MCOLN1: variants seen among roughly 807,000 people sequenced by gnomAD.
MCOLN1 encodes the protein mucolipin-1.
A neutral mutation model predicts 70.3 loss-of-function variants in MCOLN1; 50 were observed. That is an observed-to-expected ratio of 0.71 (90% CI 0.57 to 0.90). The LOEUF is 0.90. MCOLN1 is among the 40% of genes least tolerant of loss of function. MCOLN1 has a pLI of 0.00. For synonymous variants in MCOLN1, 366 were observed against 341.0 expected (o/e 1.07, Z -0.81); for missense variants, 598 against 803.5 (o/e 0.74, Z 3.09).
At chr19:7,527,414 G>A (rs1006609033) in intron 4 of MCOLN1, 106 bp from the exon 5 acceptor site, 4 of 759,296 alleles carry the variant, frequency 5.3e-6, no homozygotes, top group Admixed American at 1.8e-5. Context: ...CTGTAGGAAT[G>A]ACCCAACCCT....
At chr19:7,523,785 C>T (rs1399598689) in intron 1 of MCOLN1, among the ~76,000 whole-genome samples, 1 of 152,070 alleles carries the variant, frequency 6.6e-6, no homozygotes, top group African/African-American at 2.4e-5. Flanking sequence ...AGGTCTTTAT[C>T]TGCTGTGTCT....
Position 7,530,466 on chromosome 19 carries a change from A to G in MCOLN1, c.1540A>G (p.Ile514Val). ...LFIYMVLSLF[I>V]ALITGAYDTI... is the part of the protein sequence containing the mutation. Reference sequence around the variant, plus strand: ...CATCTACATGGTGCTCAGCCTCTTCATCGCGCTCATCACCGGCGCCTACGA... The same window carrying G: ...CATCTACATGGTGCTCAGCCTCTTCGTCGCGCTCATCACCGGCGCCTACGA... Residue 514 changes from isoleucine (I) to valine (V), a missense_variant, in exon 12 of 14, where the codon ATC becomes GTC. Around this residue, in one of 3 missense-constraint regions of MCOLN1, gnomAD observed 78 missense variants for 156.2 expected, o/e 0.50. Coordinates refer to ENST00000264079, the MANE Select transcript of MCOLN1 (RefSeq NM_020533.3). 6.2e-7 allele frequency: 1 copy of G among 1,612,080 alleles called. No homozygotes were observed. The highest frequency in any genetic ancestry group is 8.5e-7 in the Non-Finnish European group (1 of 1,180,002).
At chr19:7,532,425 C>T (rs1479008000) in intron 12 of MCOLN1, among the ~76,000 whole-genome samples, 5 of 150,128 alleles carry the variant, frequency 3.3e-5, no homozygotes, top group African/African-American at 1.2e-4. Context: ...ATTTTAATTC[C>T]GGCTGGGCAC....
Position 7,524,968 on chromosome 19 carries a change from G to A in MCOLN1, c.39G>A (p.Glu13=). Residue 13 remains glutamate, a synonymous_variant, in exon 2 of 14, where the codon GAG becomes GAA. Coordinates refer to ENST00000264079, the MANE Select transcript of MCOLN1 (RefSeq NM_020533.3). This position sits in a 1 kb window ranked among gnomAD's most constrained non-coding sequence, Gnocchi z 4.1. ...CCTCTCCTATTCCCACAGAGACCGAGCGGCTTCTGACCCCCAACCCCGGGT... is the reference window on the plus strand; with the variant it reads ...CCTCTCCTATTCCCACAGAGACCGAACGGCTTCTGACCCCCAACCCCGGGT... ...APAGPRGSET[E]RLLTPNPGYG... is the part of the protein sequence containing the mutation. The A allele has an allele frequency of 6.2e-7, 1 of 1,613,598 alleles. No homozygotes were observed. The highest frequency in any genetic ancestry group is 8.5e-7 in the Non-Finnish European group (1 of 1,179,906).
At chr19:7,530,621 CTAT>C (rs1204630545) in intron 12 of MCOLN1, 120 bp downstream of exon 12, 16 of 1,002,514 alleles carry the variant, frequency 1.6e-5, no homozygotes, top group Non-Finnish European at 2.5e-5. Context: ...ATGGGAGACT[CTAT>C]GAAACCAAAA....
In MCOLN1 at chr19:7,526,382, G is replaced by T. The variant is rs770941684; in HGVS notation, c.238-57G>T. 3.4e-4 allele frequency: 538 copies of T among 1,603,844 alleles called. 1 individual carries two copies. The highest frequency in any genetic ancestry group is 3.7e-4 in the Non-Finnish European group (434 of 1,170,722). ...CCTCTTCCAGGGCCTGTGCCCTGAG[G>T]GAGATACACCCCAACCCCCATCCTA... is the stretch of plus-strand genomic sequence containing the variant. On this transcript the variant is annotated intron_variant, in intron 2 of 13. Coordinates refer to ENST00000264079, the MANE Select transcript of MCOLN1 (RefSeq NM_020533.3). This position sits in a 1 kb window ranked among gnomAD's most constrained non-coding sequence, Gnocchi z 4.6.
chr19:7,528,153 C>A lies in MCOLN1; in HGVS notation c.778-5C>A. ...GTTTACTCTGCCCCCAACTGGCCCCCACAGATCACGTTTGACAACAAAGCA... is the reference window on the plus strand; with the variant it reads ...GTTTACTCTGCCCCCAACTGGCCCCAACAGATCACGTTTGACAACAAAGCA... On this transcript the variant is annotated splice_polypyrimidine_tract_variant and splice_region_variant and intron_variant, in intron 6 of 13. Coordinates refer to ENST00000264079, the MANE Select transcript of MCOLN1 (RefSeq NM_020533.3). This position sits in a 1 kb window ranked among gnomAD's most constrained non-coding sequence, Gnocchi z 4.2. 1 of 1,614,076 alleles carries A rather than the reference C, an allele frequency of 6.2e-7. No homozygotes were observed.
chr19:7,525,214 C>A lies in MCOLN1; in HGVS notation c.237+48C>A. ...CCCAGCTGAAGGCCACCTGTGGCTG[C>A]TGTGCTCCTTGAAGAGAGTCTTAAA... On this transcript the variant is annotated intron_variant, in intron 2 of 13. Coordinates refer to ENST00000264079, the MANE Select transcript of MCOLN1 (RefSeq NM_020533.3). The surrounding 1 kb of genome is among the most constrained non-coding windows in gnomAD (Gnocchi z 4.2). The A allele has an allele frequency of 1.3e-6, 2 of 1,550,654 alleles. No individual in the cohort carries two copies. Among genetic ancestry groups the A allele is most frequent in the Non-Finnish European group, 8.9e-7 (1 of 1,124,220 alleles).
rs150008188 is a variant in MCOLN1, at chr19:7,526,534, C to T, written c.333C>T (p.Asp111=). 89 of 1,614,080 alleles carry T rather than the reference C, an allele frequency of 5.5e-5. No individual in the cohort carries two copies. Among genetic ancestry groups the T allele is most frequent in the South Asian group, 3.7e-4 (34 of 91,094 alleles). ...ACCTCTTCCTGCTGGGCTACTCGGA[C>T]GGAGCGGATGACACCTTCGCAGCCT... ...FRHLFLLGYS[D]GADDTFAAYT... The change falls in exon 3 of 14, where the codon GAC becomes GAT. Residue 111 remains aspartate (D), a synonymous_variant. Coordinates refer to ENST00000264079, the MANE Select transcript of MCOLN1 (RefSeq NM_020533.3). The surrounding 1 kb of genome is among the most constrained non-coding windows in gnomAD (Gnocchi z 4.6).
In MCOLN1 at chr19:7,528,059, G is replaced by A. The variant is rs12462124; in HGVS notation, c.777+99G>A. ...ACTGGCCAAGGGCAAGCGTGCGGGT[G>A]ATGAGGGAGGGAGCCCGGGGTCTGT... On this transcript the variant is annotated intron_variant, in intron 6 of 13. Transcript: ENST00000264079. This position sits in a 1 kb window ranked among gnomAD's most constrained non-coding sequence, Gnocchi z 4.2. 14,236 of 1,523,268 alleles carry A rather than the reference G, an allele frequency of 9.3e-3. 1,187 individuals carry two copies. In the Admixed American group the frequency reaches 0.18, roughly 19 times the overall value. 94.4% of individuals were successfully genotyped at this position (1,523,268 alleles called of 1,614,324 possible).
Position 7,527,553 on chromosome 19 carries a change from C to T in MCOLN1, c.605C>T (p.Pro202Leu), listed in dbSNP as rs1361767451. The T allele has an allele frequency of 1.2e-6, 2 of 1,608,810 alleles. No individual in the cohort carries two copies. Among genetic ancestry groups the T allele is most frequent in the East Asian group, 2.2e-5 (1 of 44,854 alleles). The change falls in exon 5 of 14, where the codon CCT (proline) becomes CTT (leucine). Residue 202 changes from proline (P) to leucine (L), a missense_variant. By Grantham distance (98) the Pro-to-Leu change is moderately conservative. This residue lies in a region of MCOLN1 where 461 missense variants were observed against 588.4 expected (regional missense o/e 0.78). Transcript: ENST00000264079. ...CIQVDPPERP[P>L]PPPSDDLTLL... ...CAGGTGGATCCCCCCGAGCGGCCCC[C>T]TCCGCCCCCCAGCGACGATCTCACC...
At chr19:7,530,174 GTGGGGCCCCAGCCA>G in intron 11 of MCOLN1, 98 bp from the exon 12 acceptor site, 1 of 451,214 alleles carries the variant, frequency 2.2e-6, no homozygotes, top group Non-Finnish European at 3.8e-6. Context: ...GGCCATTCAT[GTGGGGCCCCAGCCA>G]CCAGCTCCTA....
intron 12 of MCOLN1, 186 bp from the exon 13 acceptor site, chr19:7,533,337 G>A: frequency 4.3e-6 from 3 of 696,448 alleles, no homozygotes; most frequent in Non-Finnish European, 7.2e-6. Context: ...TTGTATCCAG[G>A]TTCAGGGGTC....
Position 7,522,683 on chromosome 19 carries a change from A to G in MCOLN1, c.-68A>G. On this transcript the variant is annotated 5_prime_UTR_variant, in exon 1 of 14. It removes the in-frame stop codon of an upstream open reading frame in the 5' UTR. Coordinates refer to ENST00000264079, the MANE Select transcript of MCOLN1 (RefSeq NM_020533.3). ...GCCGCGAGGGAGCGAGGTCGCAGTG[A>G]CAGCGGCGGGCGATCGGACCCAGGC... The G allele has an allele frequency of 7.0e-7, 1 of 1,419,276 alleles. No individual in the cohort carries two copies. Among genetic ancestry groups the G allele is most frequent in the Non-Finnish European group, 9.2e-7 (1 of 1,083,438 alleles). The allele number at this position is 1,419,276 out of a possible 1,614,324, so 87.9% of individuals were successfully genotyped here.
At chr19:7,527,074 A>C in intron 4 of MCOLN1, 148 bp downstream of exon 4, 1 of 1,055,108 alleles carries the variant, frequency 9.5e-7, no homozygotes, top group South Asian at 1.3e-5. Flanking sequence ...CAGAAGTTTG[A>C]GACCAGCCTG....
chr19:7,532,701 C>T (rs751792948), intron 12 of MCOLN1, among the ~76,000 whole-genome samples: 2 of 152,074 alleles, frequency 1.3e-5, no homozygotes, highest in Non-Finnish European at 1.5e-5. Flanking sequence ...GGCGAGAGAC[C>T]GAGACTCTGC....
rs774910423 is a variant in MCOLN1 at position 7,527,967 on chromosome 19, C to T, written c.777+7C>T. The T allele has an allele frequency of 1.2e-6, 2 of 1,609,612 alleles. No homozygotes were observed. The highest frequency in any genetic ancestry group is 1.7e-6 in the Non-Finnish European group (2 of 1,175,994). On this transcript the variant is annotated splice_region_variant and intron_variant, in intron 6 of 13. Transcript: ENST00000264079. ...CTATACCTTCAGCGTCCTGGTGAGGCCCCCCGGGAACCCACAGGGCTCCTG... is the reference window on the plus strand; with the variant it reads ...CTATACCTTCAGCGTCCTGGTGAGGTCCCCCGGGAACCCACAGGGCTCCTG...
chr19:7,526,032 A>C lies in MCOLN1; in HGVS notation c.238-407A>C. ...AGCTGAGATCATACCATGGCACTCC[A>C]ACTTGGGCAACAGAGTGAGACTCTG... On this transcript the variant is annotated intron_variant, in intron 2 of 13. Transcript: ENST00000264079. The surrounding 1 kb of genome is among the most constrained non-coding windows in gnomAD (Gnocchi z 4.6). The C allele has an allele frequency of 3.2e-6, 1 of 311,126 alleles. No individual in the cohort carries two copies. The highest frequency in any genetic ancestry group is 6.3e-6 in the Non-Finnish European group (1 of 159,444). 19.3% of individuals were successfully genotyped at this position (311,126 alleles called of 1,614,324 possible). A position where few individuals can be genotyped will look rare whatever the true frequency, so the allele number is the denominator to read the frequency against.
intron 1 of MCOLN1, among the ~76,000 whole-genome samples, chr19:7,523,471 GCTTTGTCGTAAA>G (rs2022523792): frequency 6.6e-6 from 1 of 152,240 alleles, no homozygotes; most frequent in African/African-American, 2.4e-5. Context: ...CTGCCCTCTG[GCTTTGTCGTAAA>G]CAGCCACAGC....
Sources: gnomAD v4.1 joint callset for allele counts (sites outside exome capture counted in the v4.1 genomes callset) on GRCh38, gnomAD v4.1.1 for gene constraint, gnomAD v4.1.1 regional missense constraint, Gnocchi (gnomAD v3.1) non-coding constraint, MANE v1.5 for transcripts, NCBI Gene and HGNC (gene_info 2026-07-23, HGNC 2026-07-21) for gene names.